Variants in ZNF385D observed in about 807,000 individuals in gnomAD.
ZNF385D encodes zinc finger protein 659.
In ZNF385D, 15 loss-of-function variants were observed where a neutral mutation model predicts 35.8. The observed-to-expected ratio is 0.42, with a 90% CI of 0.28 to 0.64. ZNF385D has a LOEUF of 0.64. Ranked by LOEUF, ZNF385D falls within the 30% of genes least tolerant of loss-of-function variation. The pLI is 0.23. For missense variants in ZNF385D, 474 were observed against 494.6 expected, an observed-to-expected ratio of 0.96 and a Z score of 0.39; for synonymous variants, 212 against 186.8, an observed-to-expected ratio of 1.13 and a Z score of -1.10.
chr3:21,443,002 C>T (rs1415061064), intron 4 of ZNF385D, among the ~76,000 whole-genome samples: 1 of 151,722 alleles, frequency 6.6e-6, no homozygotes, highest in Non-Finnish European at 1.5e-5. Flanking sequence ...TTGGCCACCC[C>T]AAATCACAAA....
At chr3:22,342,577 G>T (rs1441293003) in intron 2 of ZNF385D, among the ~76,000 whole-genome samples, 1 of 151,996 alleles carries the variant, frequency 6.6e-6, no homozygotes, top group Non-Finnish European at 1.5e-5. Flanking sequence ...ATTACCCAAA[G>T]AACACATCTC....
intron 3 of ZNF385D, among the ~76,000 whole-genome samples, chr3:21,535,129 C>T (rs1255794369): frequency 6.6e-6 from 1 of 152,108 alleles, no homozygotes; most frequent in Non-Finnish European, 1.5e-5. Context: ...AATATAACAA[C>T]TTACCTAGAA....
At chr3:22,157,257 CATAAA>C (rs1442433464) in intron 3 of ZNF385D, among the ~76,000 whole-genome samples, 2 of 152,036 alleles carry the variant, frequency 1.3e-5, no homozygotes, top group African/African-American at 2.4e-5. Flanking sequence ...GTATCTAAAT[CATAAA>C]ATAAGAGAAT....
At chr3:22,140,140 G>A (rs763126935) in intron 3 of ZNF385D, among the ~76,000 whole-genome samples, 5 of 152,114 alleles carry the variant, frequency 3.3e-5, no homozygotes, top group African/African-American at 4.8e-5. Context: ...ACAGAACTCT[G>A]TACATAAATG....
intron 3 of ZNF385D, among the ~76,000 whole-genome samples, chr3:22,074,086 T>G (rs1278112581): frequency 6.6e-6 from 1 of 151,996 alleles, no homozygotes; most frequent in Non-Finnish European, 1.5e-5. Context: ...GAAGCATTAA[T>G]ATTTTCCCAG....
At chr3:21,772,646 T>C (rs554948154) in intron 3 of ZNF385D, among the ~76,000 whole-genome samples, 21 of 152,060 alleles carry the variant, frequency 1.4e-4, no homozygotes, top group South Asian at 4.1e-4. Flanking sequence ...GAAAACGGTA[T>C]GGTGATACTT....
intron 2 of ZNF385D, among the ~76,000 whole-genome samples, chr3:21,574,625 C>T (rs983432419): frequency 7.2e-5 from 11 of 151,874 alleles, no homozygotes; most frequent in African/African-American, 2.4e-4. Flanking sequence ...GAAATATATA[C>T]CAACAAAATG....
intron 1 of ZNF385D, among the ~76,000 whole-genome samples, chr3:21,674,080 C>G (rs1346324634): frequency 2.0e-5 from 3 of 152,064 alleles, no homozygotes; most frequent in Admixed American, 1.3e-4. Context: ...CTTGCCTGCA[C>G]GAACTTCTCT....
At chr3:22,147,282 C>G (rs1704921645) in intron 3 of ZNF385D, among the ~76,000 whole-genome samples, 1 of 152,090 alleles carries the variant, frequency 6.6e-6, no homozygotes, top group Non-Finnish European at 1.5e-5. Context: ...GTCTCTCCTA[C>G]TTTTATAGGA....
chr3:21,474,062 GTGAGGCACTTAC>G (rs1704075870), intron 4 of ZNF385D, among the ~76,000 whole-genome samples: 1 of 152,024 alleles, frequency 6.6e-6, no homozygotes, highest in South Asian at 2.1e-4. Flanking sequence ...CCATTAAGTT[GTGAGGCACTTAC>G]TGAGCACTGT....
At chr3:21,531,740 G>T (rs907277775) in intron 3 of ZNF385D, among the ~76,000 whole-genome samples, 11 of 152,152 alleles carry the variant, frequency 7.2e-5, no homozygotes, top group Non-Finnish European at 4.4e-5. Flanking sequence ...CCAAGGGTTA[G>T]AGTGGAAGAA....
intron 2 of ZNF385D, among the ~76,000 whole-genome samples, chr3:21,565,959 T>A (rs1292640641): frequency 1.3e-5 from 2 of 152,212 alleles, no homozygotes; most frequent in Admixed American, 6.5e-5. Flanking sequence ...TCTCCTTTTG[T>A]GTTTCTCAGG....
At chr3:21,586,957 T>A (rs961642295) in intron 2 of ZNF385D, among the ~76,000 whole-genome samples, 10 of 152,136 alleles carry the variant, frequency 6.6e-5, no homozygotes, top group Non-Finnish European at 1.2e-4. Context: ...AGTGATAATA[T>A]TTGAGCTGGA....
intron 3 of ZNF385D, among the ~76,000 whole-genome samples, chr3:22,023,000 C>T (rs1697314349): frequency 6.6e-6 from 1 of 152,052 alleles, no homozygotes; most frequent in Admixed American, 6.6e-5. Context: ...AAACAGAACA[C>T]AAAATAAAAG....
intron 2 of ZNF385D, among the ~76,000 whole-genome samples, chr3:21,578,161 A>T (rs2063548845): frequency 1.3e-5 from 2 of 151,952 alleles, no homozygotes; most frequent in African/African-American, 4.8e-5. Flanking sequence ...TCATTTGCAC[A>T]TTTTTTTAAT....
chr3:21,880,355 G>C (rs920759836), intron 3 of ZNF385D, among the ~76,000 whole-genome samples: 3 of 151,926 alleles, frequency 2.0e-5, no homozygotes, highest in African/African-American at 7.2e-5. Context: ...TGCTCACTTC[G>C]TGTTTCTGTC....
At chr3:21,595,889 A>G (rs1203714265) in intron 2 of ZNF385D, among the ~76,000 whole-genome samples, 2 of 152,196 alleles carry the variant, frequency 1.3e-5, no homozygotes, top group Non-Finnish European at 2.9e-5. Context: ...ATGAATACCA[A>G]CTATATCATA....
chr3:22,049,895 G>A (rs1699240184), intron 3 of ZNF385D, among the ~76,000 whole-genome samples: 2 of 152,076 alleles, frequency 1.3e-5, no homozygotes, highest in Admixed American at 6.6e-5. Context: ...CTGAATTTTG[G>A]TTGTTAATAT....
At chr3:22,096,654 G>T (rs1014435658) in intron 3 of ZNF385D, among the ~76,000 whole-genome samples, 1 of 152,010 alleles carries the variant, frequency 6.6e-6, no homozygotes, top group Non-Finnish European at 1.5e-5. Flanking sequence ...AAATCAAAAA[G>T]ACACCCCTGT....
Sources: gnomAD v4.1 joint callset for allele counts (sites outside exome capture counted in the v4.1 genomes callset) on GRCh38, gnomAD v4.1.1 for gene constraint, MANE v1.5 for transcripts, NCBI Gene and HGNC (gene_info 2026-07-23, HGNC 2026-07-21) for gene names.